Variants in ACYP2 observed in about 807,000 individuals in gnomAD.
ACYP2 encodes acylphosphatase-2.
A neutral mutation model predicts 11.2 loss-of-function variants in ACYP2; 12 were observed. The observed-to-expected ratio is 1.08, with a 90% CI of 0.69 to 1.74. The LOEUF (loss-of-function observed/expected upper bound fraction) is 1.74, where lower values mean the gene tolerates loss of function less well. ACYP2 is among the 40% of genes most tolerant of loss of function. ACYP2 has a pLI of 0.00. For missense variants in ACYP2, 134 were observed against 101.9 expected (o/e 1.31, Z -1.35); for synonymous variants, 43 against 32.2 (o/e 1.33, Z -1.13).
intron 6 of ACYP2, among the ~76,000 whole-genome samples, chr2:54,299,173 C>G (rs989267487): frequency 1.3e-5 from 2 of 152,180 alleles, no homozygotes; most frequent in Non-Finnish European, 2.9e-5. Flanking sequence ...TTAAAGCACA[C>G]ATAACCAGAC....
chr2:54,184,770 TG>T (rs1459938714), intron 6 of ACYP2, among the ~76,000 whole-genome samples: 1 of 152,010 alleles, frequency 6.6e-6, no homozygotes, highest in Non-Finnish European at 1.5e-5. Context: ...TGGGAAGGGG[TG>T]CTATGTTTTA....
At chr2:54,230,393 G>C (rs1435302922) in intron 6 of ACYP2, among the ~76,000 whole-genome samples, 1 of 151,928 alleles carries the variant, frequency 6.6e-6, no homozygotes, top group Non-Finnish European at 1.5e-5. Context: ...TTTTGCTCTT[G>C]TTGCCCAAGC....
chr2:54,300,765 T>C (rs924635097), intron 6 of ACYP2, among the ~76,000 whole-genome samples: 1 of 152,246 alleles, frequency 6.6e-6, no homozygotes, highest in Non-Finnish European at 1.5e-5. Flanking sequence ...ATTTGTTAGG[T>C]AGTACCAAGT....
At chr2:54,203,372 C>T (rs1318674853) in intron 6 of ACYP2, among the ~76,000 whole-genome samples, 1 of 152,124 alleles carries the variant, frequency 6.6e-6, no homozygotes, top group Non-Finnish European at 1.5e-5. Flanking sequence ...TGGTGGAGTC[C>T]TCAGAATCAT....
At chr2:54,283,504 A>C (rs1441025925) in intron 6 of ACYP2, among the ~76,000 whole-genome samples, 1 of 152,186 alleles carries the variant, frequency 6.6e-6, no homozygotes, top group Non-Finnish European at 1.5e-5. Context: ...AAATATTATT[A>C]AACCCATTTT....
intron 2 of ACYP2, among the ~76,000 whole-genome samples, chr2:53,987,466 A>G (rs528548615): frequency 1.6e-4 from 25 of 152,166 alleles, no homozygotes; most frequent in African/African-American, 4.3e-4. Context: ...TTTTGTGTAA[A>G]CAGAAGTTTT....
At chr2:54,114,408 G>A (rs560440414) in intron 4 of ACYP2, among the ~76,000 whole-genome samples, 10 of 151,736 alleles carry the variant, frequency 6.6e-5, no homozygotes, top group Middle Eastern at 3.4e-3. Flanking sequence ...AAAAGGTCGG[G>A]TGTGGTGGCT....
Position 54,089,982 on chromosome 2 carries a change from C to A in ACYP2, c.277+32622C>A, listed in dbSNP as rs927564915. ...CTAAGATGGTGAAACCTCGTCTCTA[C>A]TAAAAATACCAAAATTAGCAGGGCA... is the stretch of plus-strand genomic sequence containing the variant. On this transcript the variant is annotated intron_variant, in intron 4 of 6. Transcript: ENST00000607452. Among the ~76,000 whole-genome samples, 4 of 151,366 alleles carry A rather than the reference C, an allele frequency of 2.6e-5. No individual in the cohort carries two copies. In the East Asian group the frequency reaches 7.9e-4, roughly 30 times the overall value.
intron 6 of ACYP2, among the ~76,000 whole-genome samples, chr2:54,150,756 T>C (rs1411809580): frequency 1.4e-5 from 2 of 148,130 alleles, no homozygotes; most frequent in South Asian, 2.1e-4. Context: ...TTTTTTTTTT[T>C]TGTGAGACGG....
At chr2:54,200,437 C>A (rs1050550311) in intron 6 of ACYP2, among the ~76,000 whole-genome samples, 13 of 152,260 alleles carry the variant, frequency 8.5e-5, no homozygotes, top group African/African-American at 2.9e-4. Context: ...TACCCTCAAA[C>A]CCTGGCAACC....
At chr2:54,015,789 GCTGTAATCTACT>G (rs1673654325) in intron 2 of ACYP2, among the ~76,000 whole-genome samples, 1 of 151,994 alleles carries the variant, frequency 6.6e-6, no homozygotes, top group African/African-American at 2.4e-5. Context: ...GAGAGGCCCA[GCTGTAATCTACT>G]CTGTAATCTA....
chr2:53,982,858 G>A (rs1003666930), intron 2 of ACYP2, among the ~76,000 whole-genome samples: 6 of 150,354 alleles, frequency 4.0e-5, no homozygotes, highest in Non-Finnish European at 8.8e-5. Context: ...GTGTGTGTGT[G>A]TGTGTGTGTG....
intron 4 of ACYP2, among the ~76,000 whole-genome samples, chr2:54,117,636 C>T (rs538151505): frequency 1.3e-5 from 2 of 152,056 alleles, no homozygotes; most frequent in Non-Finnish European, 2.9e-5. Flanking sequence ...TATGGAACCT[C>T]GGTTGGTGGA....
In ACYP2 at chr2:54,077,797, G is replaced by A. The variant is rs138909122; in HGVS notation, c.277+20437G>A. Among the ~76,000 whole-genome samples the A allele has an allele frequency of 2.6e-3, 401 of 152,258 alleles. 1 individual carries two copies. Among genetic ancestry groups the A allele is most frequent in the Middle Eastern group, 0.014 (4 of 294 alleles). ...AGGTGTTATGTAAATTAGTAGTAGC[G>A]CTGGAAGTAGAACCAAGTCTTCTGT... On this transcript the variant is annotated intron_variant, in intron 4 of 6. Transcript: ENST00000607452.
At chr2:54,242,281 C>T (rs966840381) in intron 6 of ACYP2, among the ~76,000 whole-genome samples, 2 of 152,198 alleles carry the variant, frequency 1.3e-5, no homozygotes, top group African/African-American at 4.8e-5. Flanking sequence ...AACCACCAGG[C>T]TTGGTAGATA....
intron 1 of ACYP2, among the ~76,000 whole-genome samples, chr2:53,972,790 A>G (rs894684226): frequency 1.3e-5 from 2 of 152,206 alleles, no homozygotes; most frequent in African/African-American, 4.8e-5. Flanking sequence ...TAAAAAGGAA[A>G]GAGACAAGAC....
At chr2:54,204,702 T>TA (rs574202114) in intron 6 of ACYP2, among the ~76,000 whole-genome samples, 31 of 152,204 alleles carry the variant, frequency 2.0e-4, no homozygotes, top group Non-Finnish European at 3.1e-4. Context: ...TCCTTTGATC[T>TA]AAAAAACTCA....
chr2:54,096,469 G>A (rs1470021507), intron 4 of ACYP2, among the ~76,000 whole-genome samples: 2 of 152,106 alleles, frequency 1.3e-5, no homozygotes, highest in Non-Finnish European at 2.9e-5. Context: ...CACTTTGGGA[G>A]GCCAAGGCAG....
At chr2:54,132,838 A>G (rs13406537) in intron 4 of ACYP2, among the ~76,000 whole-genome samples, 39,004 of 148,746 alleles carry the variant, frequency 0.26, 5,147 homozygotes, top group African/African-American at 0.34. Context: ...TCCGCCTCCC[A>G]GGCTCAAGTG....
Sources: allele counts gnomAD v4.1 joint callset (sites outside exome capture counted in the v4.1 genomes callset), GRCh38; gene constraint gnomAD v4.1.1; transcripts MANE v1.5; gene names NCBI Gene and HGNC (gene_info 2026-07-23, HGNC 2026-07-21).